FMN2: variants seen among roughly 807,000 people sequenced by gnomAD.
FMN2 encodes the protein formin-2.
Under a neutral mutation model 142.3 loss-of-function variants are expected in FMN2, and 51 were observed. The observed-to-expected ratio is 0.36, with a 90% CI of 0.29 to 0.45. FMN2 has a LOEUF of 0.45. Ranked by LOEUF, FMN2 falls within the 20% of genes least tolerant of loss-of-function variation. The pLI, the probability that FMN2 is intolerant of heterozygous loss-of-function variation, is 1.00. For missense variants in FMN2, 1,936 were observed against 2,122.8 expected (o/e 0.91, Z 1.73); for synonymous variants, 882 against 869.8 (o/e 1.01, Z -0.25).
At chr1:240,288,928 A>G (rs907165929) in intron 7 of FMN2, among the ~76,000 whole-genome samples, 3 of 152,150 alleles carry the variant, frequency 2.0e-5, no homozygotes, top group Non-Finnish European at 4.4e-5. Context: ...ATGAGACCGT[A>G]GCCCCCGCCA....
At chr1:240,319,348 G>A (rs144873154) in intron 8 of FMN2, among the ~76,000 whole-genome samples, 1 of 152,258 alleles carries the variant, frequency 6.6e-6, no homozygotes, top group East Asian at 1.9e-4. Flanking sequence ...TAGAAGTTTG[G>A]CCAGCCCAAT....
intron 8 of FMN2, among the ~76,000 whole-genome samples, chr1:240,318,704 T>C (rs1670872007): frequency 6.6e-6 from 1 of 152,206 alleles, no homozygotes; most frequent in African/African-American, 2.4e-5. Context: ...TCACATTAAG[T>C]ACTTCATAGA....
intron 4 of FMN2, among the ~76,000 whole-genome samples, chr1:240,193,506 T>C (rs1288381095): frequency 6.6e-6 from 1 of 152,214 alleles, no homozygotes; most frequent in African/African-American, 2.4e-5. Context: ...ATCGTCATTT[T>C]TGGATAGATG....
intron 2 of FMN2, among the ~76,000 whole-genome samples, chr1:240,148,702 C>G (rs1420440367): frequency 6.6e-6 from 1 of 152,168 alleles, no homozygotes; most frequent in East Asian, 1.9e-4. Flanking sequence ...GTATATTGGC[C>G]AGGTGCAGTG....
At chr1:240,329,290 T>A (rs780419184) in intron 9 of FMN2, 49 bp from the exon 10 acceptor site, 22 of 1,602,392 alleles carry the variant, frequency 1.4e-5, no homozygotes, top group Non-Finnish European at 1.9e-5. Flanking sequence ...GATAAACATC[T>A]GTTTATGTGA....
intron 15 of FMN2, among the ~76,000 whole-genome samples, chr1:240,396,291 C>G (rs1277260904): frequency 6.7e-6 from 1 of 148,988 alleles, no homozygotes; most frequent in Non-Finnish European, 1.5e-5. Flanking sequence ...CCCACAATAT[C>G]TCCGAGGTTT....
chr1:240,142,839 A>C (rs1663248157), intron 2 of FMN2: 3 of 1,587,226 alleles, frequency 1.9e-6, no homozygotes, highest in Non-Finnish European at 2.6e-6. Context: ...CTGGCCCACC[A>C]CATCCACTGC....
intron 1 of FMN2, among the ~76,000 whole-genome samples, chr1:240,103,597 T>C (rs1661486966): frequency 6.6e-6 from 1 of 152,198 alleles, no homozygotes; most frequent in African/African-American, 2.4e-5. Flanking sequence ...TTCCATTTTC[T>C]CTTTTCTTTT....
intron 2 of FMN2, among the ~76,000 whole-genome samples, chr1:240,126,988 C>A (rs1422498133): frequency 6.6e-6 from 1 of 152,172 alleles, no homozygotes; most frequent in East Asian, 1.9e-4. Flanking sequence ...CCAGGCAGCT[C>A]CCAGGGCAAG....
chr1:240,354,231 C>T (rs544966017), intron 13 of FMN2, among the ~76,000 whole-genome samples: 1 of 151,946 alleles, frequency 6.6e-6, no homozygotes, highest in African/African-American at 2.4e-5. Flanking sequence ...ACAGTAGCCT[C>T]AGTAGGAAAA....
chr1:240,287,970 T>A (rs1669649032), intron 7 of FMN2, among the ~76,000 whole-genome samples: 1 of 152,204 alleles, frequency 6.6e-6, no homozygotes, highest in Admixed American at 6.6e-5. Flanking sequence ...GTGTTCTGTA[T>A]TTTTGAGCTA....
At chr1:240,335,616 T>A (rs1286268574) in intron 13 of FMN2, among the ~76,000 whole-genome samples, 2 of 152,178 alleles carry the variant, frequency 1.3e-5, no homozygotes, top group African/African-American at 4.8e-5. Context: ...TTTCATAGTT[T>A]ACAGGTGATT....
intron 8 of FMN2, among the ~76,000 whole-genome samples, chr1:240,328,564 TTTATTTA>T (rs1259631022): frequency 1.6e-4 from 2 of 12,162 alleles, no homozygotes; most frequent in Non-Finnish European, 4.6e-4. Context: ...CTTTATTTTA[TTTATTTA>T]TTTATTTATT....
chr1:240,217,551 G>A (rs1666951145), intron 6 of FMN2, among the ~76,000 whole-genome samples: 2 of 152,060 alleles, frequency 1.3e-5, no homozygotes, highest in Admixed American at 1.3e-4. Flanking sequence ...CATTCCTATT[G>A]CAAGCCTTAA....
At chr1:240,238,970 G>A (rs1262127846) in intron 6 of FMN2, among the ~76,000 whole-genome samples, 1 of 132,156 alleles carries the variant, frequency 7.6e-6, no homozygotes, top group Non-Finnish European at 1.6e-5. Context: ...TTTGTGTGGG[G>A]GAGTATTGAA....
intron 8 of FMN2, among the ~76,000 whole-genome samples, chr1:240,319,512 A>C (rs1670900048): frequency 6.6e-6 from 1 of 152,232 alleles, no homozygotes; most frequent in Non-Finnish European, 1.5e-5. Context: ...ATAATTTCAA[A>C]GAGTGTTTAG....
At chr1:240,401,353 T>C (rs779232211) in intron 15 of FMN2, among the ~76,000 whole-genome samples, 18 of 152,208 alleles carry the variant, frequency 1.2e-4, no homozygotes, top group Non-Finnish European at 1.9e-4. Flanking sequence ...GAAATTCACT[T>C]TGGAGGCAAG....
At chr1:240,112,222 C>A (rs1020145191) in intron 1 of FMN2, among the ~76,000 whole-genome samples, 1 of 148,048 alleles carries the variant, frequency 6.8e-6, no homozygotes, top group South Asian at 2.2e-4. Flanking sequence ...ACCTCCACCT[C>A]CTGGGTTCAA....
At chr1:240,295,652 TTATC>T (rs1170214125) in intron 8 of FMN2, among the ~76,000 whole-genome samples, 2 of 152,226 alleles carry the variant, frequency 1.3e-5, no homozygotes, top group African/African-American at 2.4e-5. Context: ...CACATTTTCT[TTATC>T]CATTCATCTG....
Sources: gnomAD v4.1 joint callset for allele counts (sites outside exome capture counted in the v4.1 genomes callset) on GRCh38, gnomAD v4.1.1 for gene constraint, MANE v1.5 for transcripts, NCBI Gene and HGNC (gene_info 2026-07-23, HGNC 2026-07-21) for gene names.